Variants in CCDC15 observed in about 807,000 individuals in gnomAD.
CCDC15 encodes the protein coiled-coil domain-containing protein 15.
Under a neutral mutation model 114.5 loss-of-function variants are expected in CCDC15, and 105 were observed. The observed-to-expected ratio is 0.92, with a 90% CI of 0.78 to 1.08. The LOEUF is 1.08. Ranked by LOEUF, CCDC15 falls within the 50% of genes least tolerant of loss-of-function variation. CCDC15 has a pLI of 0.00. For synonymous variants in CCDC15, 334 were observed against 377.8 expected (o/e 0.88, Z 1.34); for missense variants, 1,105 against 1,093.6 (o/e 1.01, Z -0.15).
chr11:125,040,528 G>A (rs1948808529), intron 15 of CCDC15, 62 bp from the exon 16 acceptor site: 4 of 1,501,048 alleles, frequency 2.7e-6, no homozygotes. Flanking sequence ...TAATAAGATA[G>A]AGGCTGGTAG....
chr11:124,985,471 G>T (rs1565365779), intron 6 of CCDC15, among the ~76,000 whole-genome samples: 1 of 152,054 alleles, frequency 6.6e-6, no homozygotes, highest in Non-Finnish European at 1.5e-5. Flanking sequence ...CAATTTCTCT[G>T]TATCCTCCAA....
At chr11:124,977,919 A>G (rs541848624) in intron 6 of CCDC15, among the ~76,000 whole-genome samples, 10 of 152,010 alleles carry the variant, frequency 6.6e-5, no homozygotes, top group African/African-American at 2.4e-4. Flanking sequence ...ATATGGGTAA[A>G]TTGCATGTTA....
At chr11:124,960,063 A>G (rs1304886222) in intron 4 of CCDC15, 60 bp downstream of exon 4, 1 of 1,315,808 alleles carries the variant, frequency 7.6e-7, no homozygotes, top group East Asian at 2.6e-5. Context: ...CTAAACTATA[A>G]ATATGACATC....
Position 125,016,433 on chromosome 11 carries a change from G to A in CCDC15, c.2411+11221G>A, listed in dbSNP as rs557684472. 3.9e-5 allele frequency among the ~76,000 whole-genome samples: 6 copies of A among 152,222 alleles called. No homozygotes were observed. The South Asian group carries it at 1.2e-3, about 32-fold the overall frequency. On this transcript the variant is annotated intron_variant, in intron 13 of 15. Transcript: ENST00000344762. ...AAATCTTTATCAAGTTGTCTAGTGTGACTTTTAAGCAGAATTCTCTTTAAA... is the reference window on the plus strand; with the variant it reads ...AAATCTTTATCAAGTTGTCTAGTGTAACTTTTAAGCAGAATTCTCTTTAAA...
At chr11:124,975,303 ATAAT>A in intron 5 of CCDC15, 94 bp downstream of exon 5, 3 of 697,416 alleles carry the variant, frequency 4.3e-6, no homozygotes, top group Non-Finnish European at 6.6e-6. Flanking sequence ...GAACTGTAAA[ATAAT>A]TGGAAATAGC....
At chr11:124,975,856 T>G (rs1266706300) in intron 5 of CCDC15, among the ~76,000 whole-genome samples, 1 of 151,460 alleles carries the variant, frequency 6.6e-6, no homozygotes, top group Non-Finnish European at 1.5e-5. Flanking sequence ...AGGAAAAAAT[T>G]GAAACTATTA....
intron 15 of CCDC15, among the ~76,000 whole-genome samples, chr11:125,040,020 CATTT>C (rs1488012116): frequency 6.6e-6 from 1 of 151,824 alleles, no homozygotes; most frequent in Admixed American, 6.6e-5. Context: ...TCTATGATGA[CATTT>C]GTTGTTGTTG....
intron 4 of CCDC15, 127 bp downstream of exon 4, chr11:124,960,130 TC>T (rs1180727085): frequency 1.6e-5 from 8 of 505,556 alleles, no homozygotes; most frequent in South Asian, 7.6e-5. Flanking sequence ...TTGATAATCA[TC>T]CCCCTTTTTT....
At chr11:125,012,049 G>A (rs907531445) in intron 13 of CCDC15, among the ~76,000 whole-genome samples, 3 of 152,180 alleles carry the variant, frequency 2.0e-5, no homozygotes, top group Non-Finnish European at 2.9e-5. Flanking sequence ...ACCCCTTAAT[G>A]TTCCATTGAG....
rs1273682548 is a variant in CCDC15, at chr11:125,041,021, C to T, written c.*310C>T. On this transcript the variant is annotated 3_prime_UTR_variant, in exon 16 of 16. Transcript: ENST00000344762. ...GCTCATGTGAAGTCTTTGAGATTCT[C>T]TTATTTATCATCTTTCTAAAACTGT... 9.6e-6 allele frequency: 2 copies of T among 208,436 alleles called. No homozygotes were observed. The highest frequency in any genetic ancestry group is 1.9e-5 in the Non-Finnish European group (2 of 104,208). 12.9% of individuals were successfully genotyped at this position (208,436 alleles called of 1,614,324 possible). A position where few individuals can be genotyped will look rare whatever the true frequency, so the allele number is the denominator to read the frequency against.
chr11:124,973,601 T>A (rs57546455), intron 4 of CCDC15, among the ~76,000 whole-genome samples: 2,185 of 152,148 alleles, frequency 0.014, 32 homozygotes, highest in African/African-American at 0.048. Context: ...CATCCTTAGG[T>A]AATTATTAAT....
chr11:124,972,866 C>G (rs1036549621), intron 4 of CCDC15, among the ~76,000 whole-genome samples: 2 of 152,186 alleles, frequency 1.3e-5, no homozygotes, highest in Admixed American at 6.5e-5. Flanking sequence ...CGTAAGGACA[C>G]TTTTGATGGC....
intron 13 of CCDC15, among the ~76,000 whole-genome samples, chr11:125,011,248 A>ATTATTATTTTTTTTT (rs1440220391): frequency 6.8e-6 from 1 of 147,236 alleles, no homozygotes; most frequent in African/African-American, 2.5e-5. Flanking sequence ...TATTATTATT[A>ATTATTATTTTTTTTT]TTTTTTAAGA....
intron 5 of CCDC15, among the ~76,000 whole-genome samples, chr11:124,976,227 A>G (rs1050244216): frequency 1.3e-5 from 2 of 149,062 alleles, no homozygotes; most frequent in African/African-American, 4.9e-5. Context: ...TATATATAAT[A>G]TATAAATATA....
chr11:124,991,723 G>A lies in CCDC15; in HGVS notation c.2031+140G>A, dbSNP rs912004737. The A allele has an allele frequency of 6.6e-5, 49 of 747,514 alleles. 2 individuals carry two copies. Among genetic ancestry groups the A allele is most frequent in the South Asian group, 2.5e-4 (9 of 36,030 alleles). 46.3% of individuals were successfully genotyped at this position (747,514 alleles called of 1,614,324 possible). On this transcript the variant is annotated intron_variant, in intron 9 of 15. Transcript: ENST00000344762. The stretch of plus-strand genomic sequence containing the variant: ...TTTTCTGATGGAGTCTTTCTCTGTC[G>A]CCCAGGCTGGAGTGCAGTGGCACAA...
rs1297088171 is a variant in CCDC15 at position 125,022,685 on chromosome 11, A to G, written c.2412-15746A>G. 2.0e-5 allele frequency among the ~76,000 whole-genome samples: 3 copies of G among 152,106 alleles called. No individual in the cohort carries two copies. The East Asian group carries it at 5.8e-4, about 29-fold the overall frequency. On this transcript the variant is annotated intron_variant, in intron 13 of 15. Transcript: ENST00000344762. ...ATTCCCCTGGAGTCAATAGCCTGCC[A>G]CAAATGGATAGAAGCCCAGAATTTT...
Position 125,005,016 on chromosome 11 carries a change from G to A in CCDC15, c.2308-93G>A, listed in dbSNP as rs546713632. The A allele has an allele frequency of 7.8e-4, 437 of 557,888 alleles. 3 individuals carry two copies. The highest frequency in any genetic ancestry group is 7.2e-3 in the African/African-American group (369 of 51,286). 34.6% of individuals were successfully genotyped at this position (557,888 alleles called of 1,614,324 possible). On this transcript the variant is annotated intron_variant, in intron 12 of 15. Coordinates refer to ENST00000344762, the MANE Select transcript of CCDC15 (RefSeq NM_025004.3). ...CTATATCATCTGTTTCTGTTTGCTT[G>A]CATTTGTTTTTGTCTATGGTATAAG...
intron 13 of CCDC15, among the ~76,000 whole-genome samples, chr11:125,031,740 TG>T (rs1948740584): frequency 6.6e-6 from 1 of 152,190 alleles, no homozygotes; most frequent in South Asian, 2.1e-4. Context: ...CAAGCACTAT[TG>T]GGTCTGCTGA....
chr11:124,980,776 A>T (rs988064961), intron 6 of CCDC15, among the ~76,000 whole-genome samples: 1 of 152,044 alleles, frequency 6.6e-6, no homozygotes, highest in Non-Finnish European at 1.5e-5. Flanking sequence ...TTCAGCCCTG[A>T]TTTTGGTTAG....
Sources: allele counts gnomAD v4.1 joint callset (sites outside exome capture counted in the v4.1 genomes callset), GRCh38; gene constraint gnomAD v4.1.1; transcripts MANE v1.5; gene names NCBI Gene and HGNC (gene_info 2026-07-23, HGNC 2026-07-21).